CNOT6L: variants seen among roughly 807,000 people sequenced by gnomAD.
CNOT6L encodes the protein CCR4-NOT transcription complex subunit 6 like.
CNOT6L carries 7 observed loss-of-function variants against 64.0 expected under a neutral mutation model. The observed-to-expected ratio is 0.11, with a 90% CI of 0.06 to 0.21. The LOEUF (loss-of-function observed/expected upper bound fraction) is 0.21. CNOT6L is among the 10% of genes least tolerant of loss of function. The pLI, the probability that CNOT6L is intolerant of heterozygous loss-of-function variation, is 1.00. For synonymous variants in CNOT6L, 193 were observed against 243.4 expected (o/e 0.79, Z 1.93); for missense variants, 245 against 669.0 (o/e 0.37, Z 6.99).
chr4:77,798,399 A>G (rs1376362954), intron 1 of CNOT6L, among the ~76,000 whole-genome samples: 1 of 152,244 alleles, frequency 6.6e-6, no homozygotes, highest in Admixed American at 6.5e-5. Flanking sequence ...AAGAATGTAT[A>G]TCCAACATAA....
chr4:77,818,075 G>A lies in CNOT6L; in HGVS notation c.5+1229C>T, dbSNP rs528123193. On this transcript the variant is annotated intron_variant, in intron 1 of 11. Coordinates refer to ENST00000504123, the MANE Select transcript of CNOT6L (RefSeq NM_144571.3). ...AGCACATACTGAGTAGACAACAGAG[G>A]TTGCTTGATCTAGTTTTTGGAGACT... 3.7e-4 allele frequency among the ~76,000 whole-genome samples: 56 copies of A among 152,300 alleles called. No homozygotes were observed. The South Asian group carries it at 0.01, about 28-fold the overall frequency.
chr4:77,760,264 T>C (rs1178278710), intron 4 of CNOT6L, among the ~76,000 whole-genome samples: 1 of 151,990 alleles, frequency 6.6e-6, no homozygotes, highest in East Asian at 1.9e-4. Flanking sequence ...TAGTCTCAGC[T>C]ACTCACGAGG....
rs774329114 is a variant in CNOT6L, at chr4:77,728,897, G to C, written c.1209C>G (p.Ile403Met). The C allele has an allele frequency of 1.8e-5, 29 of 1,613,596 alleles. No individual in the cohort carries two copies. The highest frequency in any genetic ancestry group is 8.3e-5 in the Admixed American group (5 of 59,992). Residue 403 changes from isoleucine to methionine, a missense_variant, in exon 10 of 12, where the codon ATC becomes ATG. Ile to Met is a conservative substitution (Grantham distance 10). Coordinates refer to ENST00000504123, the MANE Select transcript of CNOT6L (RefSeq NM_144571.3). ...TAAGATCTGCACATAGCACCAGCGG[G>C]ATGGAATTAGGATCTGCAGTTGGGC... ...PGSPTADPNS[I>M]PLVLCADLNS... is the part of the protein sequence containing the mutation.
intron 7 of CNOT6L, among the ~76,000 whole-genome samples, chr4:77,743,993 A>AAT (rs1284302246): frequency 6.6e-6 from 1 of 152,214 alleles, no homozygotes; most frequent in Non-Finnish European, 1.5e-5. Context: ...CATTTAAAAA[A>AAT]ATATATATGT....
chr4:77,798,388 A>G (rs1731121567), intron 1 of CNOT6L, among the ~76,000 whole-genome samples: 1 of 152,252 alleles, frequency 6.6e-6, no homozygotes, highest in African/African-American at 2.4e-5. Context: ...TGTATATGAT[A>G]AAGAATGTAT....
chr4:77,721,027 G>A (rs1264676992), intron 11 of CNOT6L, among the ~76,000 whole-genome samples: 5 of 152,108 alleles, frequency 3.3e-5, no homozygotes, highest in Non-Finnish European at 7.4e-5. Context: ...ATATTTATAT[G>A]AGCACATACA....
rs779852292 is a variant in CNOT6L, at chr4:77,726,776, G to A, written c.1253-407C>T. Among the ~76,000 whole-genome samples, 10 of 152,090 alleles carry A rather than the reference G, an allele frequency of 6.6e-5. No homozygotes were observed. In the East Asian group the frequency reaches 1.3e-3, roughly 20 times the overall value. On this transcript the variant is annotated intron_variant, in intron 10 of 11. Transcript: ENST00000504123. ...CATTCTAAGCAATCAACAACTTTGC[G>A]AATATATAAGTAGAGCATATTAATA...
At chr4:77,754,697 A>G (rs1163081057) in intron 5 of CNOT6L, among the ~76,000 whole-genome samples, 1 of 151,966 alleles carries the variant, frequency 6.6e-6, no homozygotes, top group East Asian at 1.9e-4. Context: ...AAACACTGTT[A>G]CATTGCTATA....
chr4:77,761,722 T>C (rs192144934), intron 4 of CNOT6L, among the ~76,000 whole-genome samples: 2 of 152,286 alleles, frequency 1.3e-5, no homozygotes, highest in Admixed American at 1.3e-4. Flanking sequence ...AAGGTAAGGA[T>C]GTGCACCATT....
chr4:77,765,381 T>A (rs1201938374), intron 4 of CNOT6L, among the ~76,000 whole-genome samples: 2 of 147,012 alleles, frequency 1.4e-5, no homozygotes, highest in Admixed American at 1.4e-4. Context: ...AAAAAAAAAA[T>A]TTCTCAAAAG....
At chr4:77,805,420 T>C (rs761062021) in intron 1 of CNOT6L, among the ~76,000 whole-genome samples, 2 of 152,138 alleles carry the variant, frequency 1.3e-5, no homozygotes, top group Non-Finnish European at 2.9e-5. Flanking sequence ...AACCTGTGAA[T>C]TTATATAGAA....
At chr4:77,754,139 A>G (rs1725190335) in intron 5 of CNOT6L, among the ~76,000 whole-genome samples, 1 of 152,208 alleles carries the variant, frequency 6.6e-6, no homozygotes, top group African/African-American at 2.4e-5. Context: ...TGCAGATGAC[A>G]TAATTGTATA....
chr4:77,729,141 C>T, intron 9 of CNOT6L, 60 bp from the exon 10 acceptor site: 1 of 1,318,472 alleles, frequency 7.6e-7, no homozygotes, highest in Non-Finnish European at 1.1e-6. Context: ...AGAAATGTGG[C>T]ATCCTCAGGT....
At chr4:77,808,462 CAAAAAA>C (rs1191618329) in intron 1 of CNOT6L, among the ~76,000 whole-genome samples, 9 of 59,732 alleles carry the variant, frequency 1.5e-4, no homozygotes, top group East Asian at 5.4e-4. Flanking sequence ...TCTGCCATCT[CAAAAAA>C]AAAAAAAAAA....
intron 7 of CNOT6L, 78 bp from the exon 8 acceptor site, chr4:77,742,373 AGTAAGAT>A: frequency 7.9e-7 from 1 of 1,270,552 alleles, no homozygotes; most frequent in South Asian, 1.3e-5. Flanking sequence ...CAGCATTATG[AGTAAGAT>A]GTAACTTAGT....
chr4:77,752,034 G>A (rs979879063), intron 5 of CNOT6L, among the ~76,000 whole-genome samples: 5 of 152,106 alleles, frequency 3.3e-5, no homozygotes, highest in Admixed American at 2.0e-4. Context: ...TTAGCCAGAC[G>A]TGGTGACGGG....
rs1728772137 is a variant in CNOT6L, at chr4:77,780,778, A to G, written c.6-4386T>C. 2.6e-5 allele frequency among the ~76,000 whole-genome samples: 4 copies of G among 152,332 alleles called. No homozygotes were observed. In the South Asian group the frequency reaches 8.3e-4, roughly 32 times the overall value. ...TCTATTAAACAAAAGCTTCAGATAA[A>G]TCTGTAAAATACTGACTTCATAGGA... On this transcript the variant is annotated intron_variant, in intron 1 of 11. Transcript: ENST00000504123.
intron 11 of CNOT6L, among the ~76,000 whole-genome samples, chr4:77,723,145 C>T (rs550945783): frequency 6.6e-6 from 1 of 151,988 alleles, no homozygotes; most frequent in African/African-American, 2.4e-5. Flanking sequence ...AGAGGATAAA[C>T]GTGGGGTGAG....
At chr4:77,805,422 T>C (rs924781189) in intron 1 of CNOT6L, among the ~76,000 whole-genome samples, 1 of 152,114 alleles carries the variant, frequency 6.6e-6, no homozygotes, top group African/African-American at 2.4e-5. Context: ...CCTGTGAATT[T>C]ATATAGAAAA....
Sources: allele counts gnomAD v4.1 joint callset (sites outside exome capture counted in the v4.1 genomes callset), GRCh38; gene constraint gnomAD v4.1.1; transcripts MANE v1.5; gene names NCBI Gene and HGNC (gene_info 2026-07-23, HGNC 2026-07-21).